The following BIRC6 variants were observed in gnomAD, a reference collection of about 807,000 sequenced individuals.
The protein encoded by BIRC6 is baculoviral IAP repeat containing 6, also known as dual E2 ubiquitin-conjugating enzyme/E3 ubiquitin-protein ligase BIRC6.
In BIRC6, 98 loss-of-function variants were observed where a neutral mutation model predicts 503.3. The ratio of observed to expected loss-of-function variants is 0.19; its 90% confidence interval spans 0.17 to 0.23. The LOEUF is 0.23. Among genes scored for constraint, BIRC6 ranks in the 10% least tolerant of loss-of-function variants. The pLI, the probability that BIRC6 is intolerant of heterozygous loss-of-function variation, is 1.00. For missense variants in BIRC6, 5,360 were observed against 5,806.0 expected (o/e 0.92, Z 2.50); for synonymous variants, 2,240 against 2,078.7 (o/e 1.08, Z -2.11).
At chr2:32,614,103 T>G (rs2063076362) in intron 73 of BIRC6, among the ~76,000 whole-genome samples, 1 of 152,230 alleles carries the variant, frequency 6.6e-6, no homozygotes, top group African/African-American at 2.4e-5. Flanking sequence ...TAATTTTACT[T>G]GATTTTAAAC....
intron 68 of BIRC6, among the ~76,000 whole-genome samples, chr2:32,596,468 CAAAAAAAA>C (rs11345309): frequency 1.2e-5 from 1 of 86,588 alleles, no homozygotes; most frequent in African/African-American, 3.9e-5. Flanking sequence ...GTCTCCATCT[CAAAAAAAA>C]AAAAAAAAAA....
intron 1 of BIRC6, among the ~76,000 whole-genome samples, chr2:32,364,698 T>C (rs1359115970): frequency 1.3e-5 from 2 of 151,952 alleles, no homozygotes; most frequent in South Asian, 2.1e-4. Flanking sequence ...TTGTATGTGG[T>C]CATAAATAAG....
chr2:32,517,979 G>A (rs972794227), intron 55 of BIRC6, among the ~76,000 whole-genome samples: 9 of 151,490 alleles, frequency 5.9e-5, no homozygotes, highest in Admixed American at 1.3e-4. Context: ...TATTCATTAT[G>A]TGCAAACCGT....
chr2:32,534,508 A>G (rs1259565992), intron 61 of BIRC6, among the ~76,000 whole-genome samples: 3 of 145,532 alleles, frequency 2.1e-5, no homozygotes, highest in Middle Eastern at 4.2e-3. Context: ...AGGCAGGCGG[A>G]TCACCTGAGG....
intron 23 of BIRC6, among the ~76,000 whole-genome samples, chr2:32,460,268 A>C (rs866492903): frequency 3.8e-5 from 1 of 25,992 alleles, no homozygotes; most frequent in African/African-American, 1.5e-4. Context: ...ATATATATAT[A>C]TATATTTTTT....
At chr2:32,574,185 G>T (rs1027467708) in intron 65 of BIRC6, among the ~76,000 whole-genome samples, 9 of 146,754 alleles carry the variant, frequency 6.1e-5, no homozygotes, top group South Asian at 2.1e-4. Flanking sequence ...TTTTTGAGGC[G>T]GGATTTTGCC....
rs190747492 is a variant in BIRC6 at position 32,492,586 on chromosome 2, A to C, written c.8341-954A>C. 9.5e-3 allele frequency among the ~76,000 whole-genome samples: 1,450 copies of C among 152,214 alleles called. 13 individuals carry two copies. Among genetic ancestry groups the C allele is most frequent in the Non-Finnish European group, 0.014 (928 of 67,920 alleles). On this transcript the variant is annotated intron_variant, in intron 44 of 73. Coordinates refer to ENST00000421745, the MANE Select transcript of BIRC6 (RefSeq NM_016252.4). ...ACATGTAAGAAAACATGCATCAGCT[A>C]TATTGCCCCAAATTACATAACTAGT...
rs1184702247 is a variant in BIRC6, at chr2:32,453,832, C to T, written c.4643C>T (p.Thr1548Ile). Reference sequence around the variant, plus strand: ...GGAAATGGAAAGGTCAGTAGTTGCACAGCTGCTGAGGGTAGTTTCACATCT... The same window carrying T: ...GGAAATGGAAAGGTCAGTAGTTGCATAGCTGCTGAGGGTAGTTTCACATCT... Reference protein sequence around the residue: ...LSGNGKVSSCTAAEGSFTSLT... With the variant: ...LSGNGKVSSCIAAEGSFTSLT... The change falls in exon 23 of 74, where the codon ACA becomes ATA. Residue 1548 changes from threonine to isoleucine, a missense_variant. This residue lies in a region of BIRC6 where 2,299 missense variants were observed against 2,267.2 expected (regional missense o/e 1.01). Transcript: ENST00000421745. The T allele has an allele frequency of 1.9e-6, 3 of 1,613,540 alleles. No homozygotes were observed. The highest frequency in any genetic ancestry group is 1.1e-5 in the South Asian group (1 of 91,054).
intron 3 of BIRC6, among the ~76,000 whole-genome samples, chr2:32,386,997 C>T (rs2038567986): frequency 6.6e-6 from 1 of 152,174 alleles, no homozygotes; most frequent in South Asian, 2.1e-4. Context: ...TCTGAGACAG[C>T]TTTGGGCTGA....
intron 22 of BIRC6, chr2:32,449,134 A>T (rs1253335482): frequency 2.2e-6 from 1 of 463,124 alleles, no homozygotes; most frequent in Non-Finnish European, 3.7e-6. Context: ...TTAAAGTCAT[A>T]TTTGAAAGGG....
In BIRC6 at chr2:32,433,679, T is replaced by C; in HGVS notation, c.3284T>C (p.Leu1095Pro). 1 of 1,593,274 alleles carries C rather than the reference T, an allele frequency of 6.3e-7. No individual in the cohort carries two copies. Among genetic ancestry groups the C allele is most frequent in the Non-Finnish European group, 8.6e-7 (1 of 1,165,342 alleles). ...GATGAACATGTATTTGAATTAGTAC[T>C]ACCTAAAGCTTGTATGGTTGGACAT... is the stretch of plus-strand genomic sequence containing the variant. ...SWDEHVFELV[L>P]PKACMVGHVD... The change falls in exon 13 of 74, where the codon CTA (leucine) becomes CCA (proline). Residue 1095 changes from leucine to proline, a missense_variant. Physicochemically the swap from Leu to Pro is moderately conservative, Grantham distance 98. Transcript: ENST00000421745.
chr2:32,475,410 T>TG (rs2049634173), intron 33 of BIRC6, among the ~76,000 whole-genome samples: 3 of 152,246 alleles, frequency 2.0e-5, no homozygotes, highest in African/African-American at 7.2e-5. Context: ...TGTCGACTGC[T>TG]GATTGCTGTT....
In BIRC6 at chr2:32,357,731, C is replaced by T. The variant is rs1573594014; in HGVS notation, c.325+245C>T. On this transcript the variant is annotated intron_variant, in intron 1 of 73. Coordinates refer to ENST00000421745, the MANE Select transcript of BIRC6 (RefSeq NM_016252.4). This position sits in a 1 kb window ranked among gnomAD's most constrained non-coding sequence, Gnocchi z 4.9. The stretch of plus-strand genomic sequence containing the variant: ...GGTGGGAGGGGAGTTGCCTTTCGGG[C>T]CTGGAGCGTCCGGTCTGGCTTGGTC... Among the ~76,000 whole-genome samples, 1 of 152,148 alleles carries T rather than the reference C, an allele frequency of 6.6e-6. No individual in the cohort carries two copies. Among genetic ancestry groups the T allele is most frequent in the Non-Finnish European group, 1.5e-5 (1 of 67,998 alleles).
At chr2:32,430,735 C>A in intron 11 of BIRC6, 130 bp from the exon 12 acceptor site, 1 of 668,376 alleles carries the variant, frequency 1.5e-6, no homozygotes, top group Non-Finnish European at 2.5e-6. Context: ...ACTTTATTAA[C>A]TTTCAGAATA....
intron 62 of BIRC6, 137 bp from the exon 63 acceptor site, chr2:32,545,506 G>T (rs1455469858): frequency 2.8e-6 from 2 of 706,076 alleles, no homozygotes; most frequent in Non-Finnish European, 4.9e-6. Flanking sequence ...TGTTGTATTT[G>T]TGGTATTTGG....
chr2:32,579,392 C>G (rs1221339999), intron 66 of BIRC6, among the ~76,000 whole-genome samples: 1 of 151,884 alleles, frequency 6.6e-6, no homozygotes, highest in Non-Finnish European at 1.5e-5. Flanking sequence ...AAAACCCTTA[C>G]AAGAGGAGAT....
intron 57 of BIRC6, chr2:32,522,233 A>G (rs1045593954): frequency 2.0e-5 from 3 of 151,684 alleles, no homozygotes; most frequent in African/African-American, 7.3e-5. Flanking sequence ...TTCCTTATGG[A>G]TTGTATGTTC....
intron 57 of BIRC6, chr2:32,522,483 ATGT>A (rs1029332186): frequency 1.3e-5 from 2 of 152,176 alleles, no homozygotes; most frequent in African/African-American, 2.4e-5. Flanking sequence ...TTATAAACCA[ATGT>A]TGTCTAGTTT....
intron 9 of BIRC6, among the ~76,000 whole-genome samples, chr2:32,406,880 C>G (rs2149831486): frequency 6.6e-6 from 1 of 152,212 alleles, no homozygotes; most frequent in East Asian, 1.9e-4. Context: ...GTGTTTAAAG[C>G]TCTTTATTCA....
Sources: gnomAD v4.1 joint callset for allele counts (sites outside exome capture counted in the v4.1 genomes callset) on GRCh38, gnomAD v4.1.1 for gene constraint, gnomAD v4.1.1 regional missense constraint, Gnocchi (gnomAD v3.1) non-coding constraint, MANE v1.5 for transcripts, NCBI Gene and HGNC (gene_info 2026-07-23, HGNC 2026-07-21) for gene names.